ZNF69: variants seen among roughly 807,000 people sequenced by gnomAD.
The protein encoded by ZNF69 is ZNF3.
In ZNF69, 47 loss-of-function variants were observed where a neutral mutation model predicts 50.9. The ratio of observed to expected loss-of-function variants is 0.92; its 90% CI spans 0.73 to 1.18. The LOEUF is 1.18. Ranked by LOEUF, ZNF69 falls within the 50% of genes most tolerant of loss-of-function variation. The pLI is 0.00. For synonymous variants in ZNF69, 216 were observed against 223.1 expected, an observed-to-expected ratio of 0.97 and a Z score of 0.29; for missense variants, 717 against 675.1, an observed-to-expected ratio of 1.06 and a Z score of -0.69.
chr19:11,967,552 C>T, the ZNF69 span, among the ~76,000 whole-genome samples: 1 of 152,000 alleles, frequency 6.6e-6, no homozygotes, highest in Non-Finnish European at 1.5e-5. Context: ...TACAGGCACC[C>T]GCCACCACGC....
At chr19:11,898,217 A>G (rs1464704383) in intron 1 of ZNF69, among the ~76,000 whole-genome samples, 2 of 152,024 alleles carry the variant, frequency 1.3e-5, no homozygotes, top group African/African-American at 4.8e-5. Context: ...GATATTTCAT[A>G]TTGGATTTTA....
the ZNF69 span, among the ~76,000 whole-genome samples, chr19:11,975,349 C>G: frequency 5.3e-5 from 8 of 151,724 alleles, no homozygotes; most frequent in Non-Finnish European, 1.2e-4. Context: ...TCTGGGATTA[C>G]AGGTGTGAGC....
At chr19:11,942,652 A>T in the ZNF69 span, among the ~76,000 whole-genome samples, 800 of 152,286 alleles carry the variant, frequency 5.3e-3, 17 homozygotes, top group Admixed American at 0.029. Flanking sequence ...ACAAGGATGG[A>T]GTGTGTAATT....
At chr19:11,980,098 T>C in the ZNF69 span, 1 of 971,540 alleles carries the variant, frequency 1.0e-6, no homozygotes, top group Non-Finnish European at 1.6e-6. Context: ...CCTTCAGATC[T>C]ACCTCACACC....
the ZNF69 span, among the ~76,000 whole-genome samples, chr19:11,945,792 A>G: frequency 6.6e-6 from 1 of 151,984 alleles, no homozygotes; most frequent in Non-Finnish European, 1.5e-5. Flanking sequence ...GCTCTGTAAG[A>G]GAGATGGTGG....
At chr19:11,974,064 C>CTTTCT in the ZNF69 span, among the ~76,000 whole-genome samples, 6 of 142,414 alleles carry the variant, frequency 4.2e-5, no homozygotes, top group Admixed American at 2.1e-4. Flanking sequence ...TTCTTTCCTT[C>CTTTCT]TTTCTTTTCT....
the ZNF69 span, chr19:11,950,323 A>C: frequency 1.3e-6 from 2 of 1,492,226 alleles, no homozygotes; most frequent in African/African-American, 1.4e-5. Flanking sequence ...GCAATGTGGC[A>C]AAACTTTCAC....
the ZNF69 span, chr19:11,946,887 C>T: frequency 8.4e-6 from 3 of 357,736 alleles, no homozygotes; most frequent in Non-Finnish European, 1.4e-5. Flanking sequence ...ATAATCCCAG[C>T]TACTCGGGAG....
chr19:11,937,497 T>G, the ZNF69 span, among the ~76,000 whole-genome samples: 33 of 149,266 alleles, frequency 2.2e-4, no homozygotes, highest in Non-Finnish European at 4.2e-4. Context: ...TTCCTTTTTT[T>G]TTTTTTTTTG....
chr19:11,900,693 T>A (rs867542616), intron 1 of ZNF69, among the ~76,000 whole-genome samples: 54 of 152,320 alleles, frequency 3.5e-4, no homozygotes, highest in Middle Eastern at 6.8e-3. Flanking sequence ...CTTACAGAAT[T>A]TTAGGAGTTC....
the ZNF69 span, among the ~76,000 whole-genome samples, chr19:11,973,904 C>T: frequency 1.3e-5 from 2 of 152,080 alleles, no homozygotes; most frequent in Non-Finnish European, 2.9e-5. Flanking sequence ...CAGAGCTCCA[C>T]AGACTGTCTT....
the ZNF69 span, among the ~76,000 whole-genome samples, chr19:11,920,617 G>A: frequency 7.1e-6 from 1 of 141,312 alleles, no homozygotes; most frequent in Non-Finnish European, 1.5e-5. Flanking sequence ...GCTGGGCGCG[G>A]TGGTTCACAC....
the ZNF69 span, among the ~76,000 whole-genome samples, chr19:11,938,569 C>A: frequency 0.095 from 14,394 of 152,142 alleles, 1,273 homozygotes; most frequent in African/African-American, 0.24. Flanking sequence ...TGAACTCATC[C>A]TTTTTTGTGG....
At chr19:11,904,445 GC>G (rs948820322) in intron 3 of ZNF69, among the ~76,000 whole-genome samples, 1 of 152,140 alleles carries the variant, frequency 6.6e-6, no homozygotes, top group Non-Finnish European at 1.5e-5. Context: ...GTATTAAGAA[GC>G]CCCATATAAA....
At chr19:11,934,360 C>T in the ZNF69 span, among the ~76,000 whole-genome samples, 8 of 147,778 alleles carry the variant, frequency 5.4e-5, no homozygotes, top group Admixed American at 2.0e-4. Flanking sequence ...TTCAGACCTC[C>T]GCAGACTGTC....
the ZNF69 span, among the ~76,000 whole-genome samples, chr19:11,932,453 CTAACTAAAAGTA>C: frequency 6.7e-6 from 1 of 148,218 alleles, no homozygotes; most frequent in Non-Finnish European, 1.5e-5. Context: ...ATTCTAGAAA[CTAACTAAAAGTA>C]TTACATATGC....
intron 1 of ZNF69, among the ~76,000 whole-genome samples, chr19:11,902,514 C>T (rs1292977994): frequency 6.6e-6 from 1 of 151,762 alleles, no homozygotes; most frequent in Non-Finnish European, 1.5e-5. Flanking sequence ...TAGGAATGTC[C>T]CCTTTGCCCT....
chr19:11,961,152 C>T, the ZNF69 span, among the ~76,000 whole-genome samples: 1 of 152,106 alleles, frequency 6.6e-6, no homozygotes, highest in Non-Finnish European at 1.5e-5. Flanking sequence ...AACCCCAACA[C>T]GGTCATATTT....
the ZNF69 span, chr19:11,965,028 T>G: frequency 1.5e-6 from 1 of 648,096 alleles, no homozygotes. Context: ...AGGCACAGAG[T>G]GGGTCGCATT....
Sources: allele counts gnomAD v4.1 joint callset (sites outside exome capture counted in the v4.1 genomes callset), GRCh38; gene constraint gnomAD v4.1.1; transcripts MANE v1.5; gene names NCBI Gene and HGNC (gene_info 2026-07-23, HGNC 2026-07-21).